SAMD3: variants seen among roughly 807,000 people sequenced by gnomAD.
SAMD3 encodes sterile alpha motif domain-containing protein 3.
A neutral mutation model predicts 58.5 loss-of-function variants in SAMD3; 63 were observed. That is an observed-to-expected ratio of 1.08 (90% CI 0.88 to 1.33). The LOEUF (loss-of-function observed/expected upper bound fraction) is 1.33, where lower values mean the gene tolerates loss of function less well. Among genes scored for constraint, SAMD3 ranks in the 40% most tolerant of loss-of-function variants. The pLI, the probability that SAMD3 is intolerant of heterozygous loss-of-function variation, is 0.00. For synonymous variants in SAMD3, 220 were observed against 210.3 expected, an observed-to-expected ratio of 1.05 and a Z score of -0.40; for missense variants, 604 against 608.4, an observed-to-expected ratio of 0.99 and a Z score of 0.08.
At chr6:130,340,459 T>C (rs1260846216) in intron 1 of SAMD3, among the ~76,000 whole-genome samples, 2 of 152,216 alleles carry the variant, frequency 1.3e-5, no homozygotes, top group Non-Finnish European at 2.9e-5. Context: ...TAATCCAGGA[T>C]AATCTCCCCT....
At chr6:130,297,717 C>T (rs932950408) in intron 2 of SAMD3, among the ~76,000 whole-genome samples, 6 of 152,218 alleles carry the variant, frequency 3.9e-5, no homozygotes, top group Non-Finnish European at 7.4e-5. Flanking sequence ...TAGAAACATT[C>T]CCTAAAGGAT....
chr6:130,204,280 C>G (rs1283770374), intron 5 of SAMD3, among the ~76,000 whole-genome samples: 1 of 152,016 alleles, frequency 6.6e-6, no homozygotes, highest in Non-Finnish European at 1.5e-5. Flanking sequence ...GACAAAAAAG[C>G]AAAGAATAAC....
chr6:130,151,300 G>A (rs1294106485), intron 9 of SAMD3, among the ~76,000 whole-genome samples: 1 of 151,866 alleles, frequency 6.6e-6, no homozygotes, highest in Non-Finnish European at 1.5e-5. Flanking sequence ...TGCATTGCCT[G>A]TACCTTAATG....
At chr6:130,200,358 G>A (rs551471607) in intron 5 of SAMD3, among the ~76,000 whole-genome samples, 100 of 148,534 alleles carry the variant, frequency 6.7e-4, no homozygotes, top group South Asian at 3.4e-3. Flanking sequence ...TGGCTAACAC[G>A]GTGAAACCCC....
intron 1 of SAMD3, among the ~76,000 whole-genome samples, chr6:130,320,151 C>T (rs1424433769): frequency 3.9e-5 from 6 of 152,008 alleles, no homozygotes; most frequent in African/African-American, 9.7e-5. Flanking sequence ...AAATATCAAA[C>T]GCATATCTAA....
At chr6:130,233,274 T>C (rs1796595819) in intron 2 of SAMD3, among the ~76,000 whole-genome samples, 1 of 152,222 alleles carries the variant, frequency 6.6e-6, no homozygotes, top group Non-Finnish European at 1.5e-5. Flanking sequence ...TATTATACTT[T>C]AAGTTCTGGG....
chr6:130,315,276 A>T (rs892850814), intron 1 of SAMD3, among the ~76,000 whole-genome samples: 5 of 152,222 alleles, frequency 3.3e-5, no homozygotes, highest in Non-Finnish European at 7.3e-5. Flanking sequence ...TATATATAAA[A>T]GAAGTCAAAT....
chr6:130,260,885 G>C (rs1774102057), intron 2 of SAMD3, among the ~76,000 whole-genome samples: 1 of 152,242 alleles, frequency 6.6e-6, no homozygotes, highest in Non-Finnish European at 1.5e-5. Flanking sequence ...GGTAAGACTA[G>C]TCTTTGGAAC....
rs148195423 is a variant in SAMD3 at position 130,246,837 on chromosome 6, C to T, written c.-187-24024G>A. The stretch of plus-strand genomic sequence containing the variant: ...CTGGGAACTGGAGGTTGCAGTGAGC[C>T]TAGATTGTGCCGTTGCACTCCAGCC... On this transcript the variant is annotated intron_variant, in intron 2 of 13. Coordinates refer to the SAMD3 transcript ENST00000368134. Among the ~76,000 whole-genome samples the T allele has an allele frequency of 1.1e-3, 168 of 152,166 alleles. 1 individual carries two copies. In the East Asian group the frequency reaches 0.027, roughly 25 times the overall value.
intron 2 of SAMD3, among the ~76,000 whole-genome samples, chr6:130,285,653 C>A (rs776948051): frequency 6.6e-6 from 1 of 152,176 alleles, no homozygotes; most frequent in Non-Finnish European, 1.5e-5. Context: ...CTGTTATATG[C>A]GATAAGCATG....
intron 5 of SAMD3, among the ~76,000 whole-genome samples, chr6:130,193,472 AACCCCTTATTTCTGTGCCCTG>A (rs1793764216): frequency 1.3e-5 from 2 of 151,084 alleles, no homozygotes; most frequent in South Asian, 4.2e-4. Flanking sequence ...TCTGTGCCCC[AACCCCTTATTTCTGTGCCCTG>A]ACCCCTTTCC....
intron 5 of SAMD3, among the ~76,000 whole-genome samples, chr6:130,203,892 C>T (rs1349409370): frequency 6.6e-6 from 1 of 152,184 alleles, no homozygotes; most frequent in Admixed American, 6.5e-5. Flanking sequence ...GTATTGGATG[C>T]ACACACAACT....
intron 2 of SAMD3, among the ~76,000 whole-genome samples, chr6:130,308,522 G>C (rs1583080736): frequency 6.6e-6 from 1 of 151,692 alleles, no homozygotes; most frequent in East Asian, 1.9e-4. Flanking sequence ...CCTGGAAATA[G>C]CATAATACCC....
At chr6:130,274,437 A>T (rs777134833) in intron 2 of SAMD3, among the ~76,000 whole-genome samples, 2 of 152,168 alleles carry the variant, frequency 1.3e-5, no homozygotes, top group Non-Finnish European at 2.9e-5. Context: ...CAAGAATAGG[A>T]TGTCCTTCCA....
At position 130,343,697 on chromosome 6, in the gene SAMD3, G is replaced by A. The variant is rs532983125; in HGVS notation, c.-304+21423C>T. 2.3e-4 allele frequency among the ~76,000 whole-genome samples: 35 copies of A among 152,292 alleles called. 2 individuals carry two copies. The highest frequency in any genetic ancestry group is 8.4e-4 in the African/African-American group (35 of 41,564). On this transcript the variant is annotated intron_variant, in intron 1 of 13. Coordinates refer to the SAMD3 transcript ENST00000368134. The stretch of plus-strand genomic sequence containing the variant: ...AATGAGTCATGGGCTGGGAGCTCTG[G>A]CTCAGGCCTGTAATCCCAGCACTTT...
intron 2 of SAMD3, among the ~76,000 whole-genome samples, chr6:130,275,538 G>C (rs1262595284): frequency 6.6e-6 from 1 of 152,042 alleles, no homozygotes; most frequent in Non-Finnish European, 1.5e-5. Flanking sequence ...AATTTAACTA[G>C]AGTACACAGT....
intron 1 of SAMD3, among the ~76,000 whole-genome samples, chr6:130,340,016 C>G (rs1314415541): frequency 6.6e-6 from 1 of 152,126 alleles, no homozygotes; most frequent in Admixed American, 6.5e-5. Context: ...AGGGCTCACT[C>G]AATGATATGC....
chr6:130,174,203 G>T (rs1791513637), intron 8 of SAMD3, among the ~76,000 whole-genome samples: 1 of 152,160 alleles, frequency 6.6e-6, no homozygotes, highest in Admixed American at 6.5e-5. Flanking sequence ...TCTCACTGGG[G>T]TTCAGGCGCC....
chr6:130,214,066 C>G (rs1392679909), intron 4 of SAMD3, among the ~76,000 whole-genome samples: 2 of 152,174 alleles, frequency 1.3e-5, no homozygotes, highest in African/African-American at 4.8e-5. Flanking sequence ...ACCTATTTCA[C>G]CTGCTTGTTC....
Sources: allele counts gnomAD v4.1 joint callset (sites outside exome capture counted in the v4.1 genomes callset), GRCh38; gene constraint gnomAD v4.1.1; transcripts MANE v1.5; gene names NCBI Gene and HGNC (gene_info 2026-07-23, HGNC 2026-07-21).